The following RBFOX3 variants were observed in gnomAD, a reference collection of about 807,000 sequenced individuals.
The protein encoded by RBFOX3 is RNA binding protein fox-1 homolog 3.
A neutral mutation model predicts 48.7 loss-of-function variants in RBFOX3; 17 were observed. The observed-to-expected ratio is 0.35, with a 90% CI of 0.24 to 0.52. RBFOX3 has a LOEUF of 0.52. Among genes scored for constraint, RBFOX3 ranks in the 20% least tolerant of loss-of-function variants. RBFOX3 has a pLI of 0.94. For synonymous variants in RBFOX3, 212 were observed against 209.5 expected, an observed-to-expected ratio of 1.01 and a Z score of -0.10; for missense variants, 382 against 497.5, an observed-to-expected ratio of 0.77 and a Z score of 2.21.
At chr17:79,615,708 C>G (rs2093991132), upstream of RBFOX3, among the ~76,000 whole-genome samples, 1 of 152,180 alleles carries the variant, frequency 6.6e-6, no homozygotes, top group Non-Finnish European at 1.5e-5. Flanking sequence ...CCCATGGAAG[C>G]ATTTACTTTG....
chr17:79,234,728 T>C (rs2061435685), intron 4 of RBFOX3: 2 of 16,458 alleles, frequency 1.2e-4, no homozygotes, highest in Non-Finnish European at 3.1e-4. Context: ...GTGCTTTTTT[T>C]TTTTTTTTTT....
At chr17:79,346,860 TTG>T (rs563753687) in intron 2 of RBFOX3, among the ~76,000 whole-genome samples, 33 of 152,322 alleles carry the variant, frequency 2.2e-4, no homozygotes, top group Non-Finnish European at 4.1e-4. Context: ...TGTCTTCTAT[TTG>T]TGTGTGTTTG....
At chr17:79,114,174 G>A (rs1300640168) in intron 5 of RBFOX3, among the ~76,000 whole-genome samples, 1 of 152,188 alleles carries the variant, frequency 6.6e-6, no homozygotes, top group Non-Finnish European at 1.5e-5. Flanking sequence ...GGTGAACCCG[G>A]CTTGGCTCCT....
intron 1 of RBFOX3, among the ~76,000 whole-genome samples, chr17:79,502,354 A>G (rs1484735239): frequency 4.8e-5 from 7 of 147,242 alleles, no homozygotes; most frequent in African/African-American, 1.8e-4. Flanking sequence ...CAGGGATGGC[A>G]GGGAGGGGGA....
intron 4 of RBFOX3, among the ~76,000 whole-genome samples, chr17:79,129,091 C>T (rs1419845228): frequency 1.3e-5 from 2 of 152,122 alleles, no homozygotes; most frequent in Non-Finnish European, 2.9e-5. Context: ...TGACCCGGTT[C>T]AGGCACATGG....
chr17:79,372,881 G>A (rs985985496), intron 2 of RBFOX3, among the ~76,000 whole-genome samples: 1 of 152,192 alleles, frequency 6.6e-6, no homozygotes, highest in African/African-American at 2.4e-5. Flanking sequence ...GATTTTTCTG[G>A]TGCAATTGCG....
At chr17:79,278,018 G>A (rs2069325401) in intron 3 of RBFOX3, among the ~76,000 whole-genome samples, 1 of 152,324 alleles carries the variant, frequency 6.6e-6, no homozygotes, top group South Asian at 2.1e-4. Context: ...TGTGATATGA[G>A]GAAAAAGCCT....
chr17:79,236,492 T>C (rs2061655911), intron 3 of RBFOX3, among the ~76,000 whole-genome samples: 1 of 152,170 alleles, frequency 6.6e-6, no homozygotes, highest in Non-Finnish European at 1.5e-5. Flanking sequence ...GGTCTCGCCA[T>C]GTTGCCCAGG....
At chr17:79,590,132 C>G (rs2093374597) in intron 1 of RBFOX3, among the ~76,000 whole-genome samples, 1 of 152,016 alleles carries the variant, frequency 6.6e-6, no homozygotes, top group Non-Finnish European at 1.5e-5. Context: ...ACACCGCCTC[C>G]CCACCCCCCA....
At chr17:79,188,824 G>T (rs745894057) in intron 4 of RBFOX3, among the ~76,000 whole-genome samples, 3 of 152,236 alleles carry the variant, frequency 2.0e-5, no homozygotes, top group African/African-American at 4.8e-5. Context: ...CCCAGGGCTC[G>T]GTGGGTAAGA....
At chr17:79,223,904 G>T (rs1288955395) in intron 4 of RBFOX3, among the ~76,000 whole-genome samples, 2 of 152,178 alleles carry the variant, frequency 1.3e-5, no homozygotes, top group African/African-American at 2.4e-5. Context: ...TGACAGAGGG[G>T]CCAAGAGGAA....
intron 2 of RBFOX3, among the ~76,000 whole-genome samples, chr17:79,417,767 C>T (rs2065625907): frequency 6.6e-6 from 1 of 152,280 alleles, no homozygotes; most frequent in Non-Finnish European, 1.5e-5. Context: ...CTGAGAAGTG[C>T]ACTTCGTGTT....
the RBFOX3 span, among the ~76,000 whole-genome samples, chr17:79,621,636 C>T: frequency 3.6e-3 from 555 of 152,318 alleles, 1 homozygote; most frequent in Middle Eastern, 6.8e-3. Context: ...TCAGTTTCAT[C>T]GGGGCATAAC....
intron 4 of RBFOX3, among the ~76,000 whole-genome samples, chr17:79,155,345 CCAACT>C (rs1021862880): frequency 2.0e-5 from 3 of 152,166 alleles, no homozygotes; most frequent in African/African-American, 7.2e-5. Flanking sequence ...TCGGGCAACC[CCAACT>C]CAACAGTGGA....
chr17:79,291,664 G>A (rs549803398), intron 3 of RBFOX3, among the ~76,000 whole-genome samples: 56 of 152,308 alleles, frequency 3.7e-4, no homozygotes, highest in Non-Finnish European at 7.8e-4. Context: ...ACCAAACAGG[G>A]AGTTTTCTCT....
intron 3 of RBFOX3, among the ~76,000 whole-genome samples, chr17:79,248,613 C>G (rs1024730913): frequency 7.9e-5 from 12 of 152,240 alleles, no homozygotes; most frequent in Non-Finnish European, 8.8e-5. Context: ...GAGTAGCTCC[C>G]ATGGGCAACT....
At chr17:79,367,864 C>G (rs2058009666) in intron 2 of RBFOX3, among the ~76,000 whole-genome samples, 1 of 152,220 alleles carries the variant, frequency 6.6e-6, no homozygotes, top group African/African-American at 2.4e-5. Flanking sequence ...TGTGGACAAT[C>G]CACCGACAAT....
chr17:79,412,077 T>A (rs11077441), intron 2 of RBFOX3, among the ~76,000 whole-genome samples: 33,317 of 152,078 alleles, frequency 0.22, 3,813 homozygotes, highest in Admixed American at 0.3. Context: ...TGTAGACGCA[T>A]GCGTGTATAT....
chr17:79,091,932 T>A (rs991148919), intron 14 of RBFOX3: 2 of 982,700 alleles, frequency 2.0e-6, no homozygotes, highest in African/African-American at 3.5e-5. Flanking sequence ...CGCTTGTGAC[T>A]ACGTCGGCAA....
Sources: gnomAD v4.1 joint callset for allele counts (sites outside exome capture counted in the v4.1 genomes callset) on GRCh38, gnomAD v4.1.1 for gene constraint, MANE v1.5 for transcripts, NCBI Gene and HGNC (gene_info 2026-07-23, HGNC 2026-07-21) for gene names.